The following SCEL variants were observed in gnomAD, a reference collection of about 807,000 sequenced individuals.
SCEL encodes the protein sciellin.
A neutral mutation model predicts 117.6 loss-of-function variants in SCEL; 113 were observed. The observed-to-expected ratio is 0.96, with a 90% confidence interval of 0.83 to 1.12. The LOEUF (loss-of-function observed/expected upper bound fraction) is 1.12. Ranked by LOEUF, SCEL falls within the 50% of genes most tolerant of loss-of-function variation. The pLI is 0.00. For synonymous variants in SCEL, 270 were observed against 256.2 expected, an observed-to-expected ratio of 1.05 and a Z score of -0.51; for missense variants, 785 against 810.8, an observed-to-expected ratio of 0.97 and a Z score of 0.39.
chr13:77,583,989 G>T (rs554859182), intron 9 of SCEL, among the ~76,000 whole-genome samples: 1 of 152,190 alleles, frequency 6.6e-6, no homozygotes, highest in African/African-American at 2.4e-5. Flanking sequence ...TGAAATCCAC[G>T]TTTTTTATTC....
At chr13:77,623,798 C>A (rs2089558813) in intron 27 of SCEL, among the ~76,000 whole-genome samples, 1 of 152,174 alleles carries the variant, frequency 6.6e-6, no homozygotes, top group African/African-American at 2.4e-5. Flanking sequence ...GTATCTATAG[C>A]AGCCAGGAGT....
chr13:77,614,867 C>G (rs1310686441), intron 24 of SCEL, among the ~76,000 whole-genome samples: 1 of 152,046 alleles, frequency 6.6e-6, no homozygotes, highest in East Asian at 1.9e-4. Context: ...CAGCTTACAA[C>G]TAGGTATCAT....
intron 13 of SCEL, among the ~76,000 whole-genome samples, 171 bp downstream of exon 13, chr13:77,597,760 T>C (rs1193180972): frequency 6.6e-6 from 1 of 151,982 alleles, no homozygotes; most frequent in African/African-American, 2.4e-5. Context: ...TGATGAATGG[T>C]TATTAAAGTC....
At chr13:77,565,268 T>C (rs868345961) in intron 5 of SCEL, among the ~76,000 whole-genome samples, 21 of 152,198 alleles carry the variant, frequency 1.4e-4, no homozygotes, top group African/African-American at 5.1e-4. Context: ...TATTGATGCC[T>C]TGGTCCTACT....
chr13:77,542,485 CT>C (rs1252275210), intron 1 of SCEL, among the ~76,000 whole-genome samples: 2 of 152,182 alleles, frequency 1.3e-5, no homozygotes, highest in East Asian at 1.9e-4. Flanking sequence ...ATTCTGGACT[CT>C]TGTTTCACCA....
chr13:77,632,734 A>T (rs1378936908), intron 28 of SCEL, among the ~76,000 whole-genome samples: 2 of 152,208 alleles, frequency 1.3e-5, no homozygotes, highest in Admixed American at 1.3e-4. Flanking sequence ...TTTTTGCATT[A>T]AGAATCTCCT....
chr13:77,596,342 A>AG (rs5804918), intron 12 of SCEL, among the ~76,000 whole-genome samples: 60,924 of 151,922 alleles, frequency 0.4, 14,110 homozygotes, highest in Non-Finnish European at 0.52. Context: ...TTAAAAAAAA[A>AG]AAAGTATAGC....
At chr13:77,571,451 G>C (rs1275397157) in intron 8 of SCEL, among the ~76,000 whole-genome samples, 4 of 151,768 alleles carry the variant, frequency 2.6e-5, no homozygotes, top group Non-Finnish European at 5.9e-5. Context: ...CACTTTCAGA[G>C]GCCGAGGCAG....
chr13:77,620,579 A>C (rs2089354497), intron 27 of SCEL, among the ~76,000 whole-genome samples: 1 of 152,220 alleles, frequency 6.6e-6, no homozygotes, highest in Non-Finnish European at 1.5e-5. Flanking sequence ...GATGTGCACA[A>C]AATTTTCATT....
rs770733726 is a variant in SCEL, at chr13:77,591,416, AG to A, written c.650del (p.Gly217ValfsTer14). 1.3e-6 allele frequency: 2 copies of A among 1,588,534 alleles called. No homozygotes were observed. The highest frequency in any genetic ancestry group is 3.4e-5 in the Admixed American group (2 of 59,586). ...DNRQIHPPKP[G>X]VYTETNRSAE... ...ATAGGCAGATACATCCACCTAAACC[AG>A]GTGTATATACAGAAACCAACAGATC... On this transcript the variant is annotated frameshift_variant, in exon 11 of 33. Coordinates refer to ENST00000349847, the MANE Select transcript of SCEL (RefSeq NM_144777.3). LOFTEE classifies it high-confidence loss of function.
chr13:77,577,909 AG>A (rs2086044378), intron 9 of SCEL, among the ~76,000 whole-genome samples: 1 of 152,126 alleles, frequency 6.6e-6, no homozygotes, highest in Non-Finnish European at 1.5e-5. Context: ...CCAGCCCCCC[AG>A]TTCCTGTTAA....
chr13:77,640,113 A>G (rs943975918), intron 30 of SCEL, among the ~76,000 whole-genome samples: 2 of 152,096 alleles, frequency 1.3e-5, no homozygotes, highest in Non-Finnish European at 2.9e-5. Context: ...CACGATAGGT[A>G]TCCTTATATC....
chr13:77,559,042 G>A (rs577818854), intron 3 of SCEL, among the ~76,000 whole-genome samples: 1 of 152,058 alleles, frequency 6.6e-6, no homozygotes, highest in Non-Finnish European at 1.5e-5. Context: ...ATTACTTTGA[G>A]ATTTTACATA....
intron 1 of SCEL, among the ~76,000 whole-genome samples, chr13:77,549,380 G>A (rs574997377): frequency 6.6e-6 from 1 of 152,226 alleles, no homozygotes; most frequent in African/African-American, 2.4e-5. Flanking sequence ...AAAATAGCAG[G>A]TGCTCAATTG....
intron 1 of SCEL, among the ~76,000 whole-genome samples, chr13:77,544,727 G>T (rs2083900983): frequency 6.6e-6 from 1 of 152,140 alleles, no homozygotes; most frequent in Non-Finnish European, 1.5e-5. Context: ...TTGAGTAAGG[G>T]CATGGGGAGA....
chr13:77,585,527 C>T (rs141580862), intron 9 of SCEL, among the ~76,000 whole-genome samples: 22 of 152,194 alleles, frequency 1.4e-4, no homozygotes, highest in Non-Finnish European at 2.2e-4. Flanking sequence ...AGCATGTGCG[C>T]GCTCTTCTGG....
intron 9 of SCEL, among the ~76,000 whole-genome samples, chr13:77,577,028 G>A (rs1401536373): frequency 1.3e-5 from 2 of 152,142 alleles, no homozygotes; most frequent in Admixed American, 1.3e-4. Context: ...AGCCTAAGAA[G>A]CTTTTGGGCT....
chr13:77,556,822 T>G lies in SCEL; in HGVS notation c.161+109T>G. On this transcript the variant is annotated intron_variant, in intron 3 of 32. Coordinates refer to ENST00000349847, the MANE Select transcript of SCEL (RefSeq NM_144777.3). ...GTGAATACTTTTCTCCTGAAACACTTTGTTGCATGGTCTAATTTTTGGTGA... is the reference window on the plus strand; with the variant it reads ...GTGAATACTTTTCTCCTGAAACACTGTGTTGCATGGTCTAATTTTTGGTGA... The G allele has an allele frequency of 3.9e-6, 3 of 775,302 alleles. No individual in the cohort carries two copies. In the South Asian group the frequency reaches 4.8e-5, roughly 12 times the overall value. The allele number at this position is 775,302 out of a possible 1,614,324, so 48.0% of individuals were successfully genotyped here.
intron 1 of SCEL, among the ~76,000 whole-genome samples, chr13:77,555,400 T>C (rs895916116): frequency 6.6e-6 from 1 of 152,222 alleles, no homozygotes; most frequent in Non-Finnish European, 1.5e-5. Context: ...GCTTTGGCTT[T>C]TTTCAGGAAG....
Sources: allele counts gnomAD v4.1 joint callset (sites outside exome capture counted in the v4.1 genomes callset), GRCh38; gene constraint gnomAD v4.1.1; transcripts MANE v1.5; gene names NCBI Gene and HGNC (gene_info 2026-07-23, HGNC 2026-07-21).